Variants in RASA2 observed in about 807,000 individuals in gnomAD.
RASA2 encodes the protein ras GTPase-activating protein 2.
Under a neutral mutation model 118.2 loss-of-function variants are expected in RASA2, and 155 were observed. That is an observed-to-expected ratio of 1.31 (90% confidence interval 1.15 to 1.50). The LOEUF is 1.50. Among genes scored for constraint, RASA2 ranks in the 40% most tolerant of loss-of-function variants. The probability of loss-of-function intolerance (pLI) is 0.00; values close to 1 mark genes in which losing one functional copy is unlikely to be tolerated. For missense variants in RASA2, 1,016 were observed against 1,009.6 expected (o/e 1.01, Z -0.09); for synonymous variants, 353 against 349.1 (o/e 1.01, Z -0.12).
At chr3:141,545,989 C>T (rs189477026) in intron 5 of RASA2, among the ~76,000 whole-genome samples, 2 of 152,274 alleles carry the variant, frequency 1.3e-5, no homozygotes, top group East Asian at 3.9e-4. Context: ...TTTCACTTAA[C>T]GTAATGATCT....
chr3:141,573,248 T>C lies in RASA2; in HGVS notation c.1359+27T>C, dbSNP rs1577764049. The C allele has an allele frequency of 2.0e-6, 3 of 1,528,066 alleles. No individual in the cohort carries two copies. In the East Asian group the frequency reaches 7.5e-5, roughly 38 times the overall value. 94.7% of individuals were successfully genotyped at this position (1,528,066 alleles called of 1,614,324 possible). ...TAAGTCCTTGTTATATTATTTATAATTGCATTAAAATTGGTCTTAATGGTG... is the reference window on the plus strand; with the variant it reads ...TAAGTCCTTGTTATATTATTTATAACTGCATTAAAATTGGTCTTAATGGTG... On this transcript the variant is annotated intron_variant, in intron 13 of 23. Coordinates refer to ENST00000286364, the MANE Select transcript of RASA2 (RefSeq NM_006506.5).
intron 1 of RASA2, among the ~76,000 whole-genome samples, chr3:141,500,612 T>C (rs1419991291): frequency 1.3e-5 from 2 of 152,214 alleles, no homozygotes; most frequent in African/African-American, 4.8e-5. Flanking sequence ...GCCTGGCATT[T>C]TGTGCTCAGT....
chr3:141,597,409 G>C (rs1488597505), intron 19 of RASA2, among the ~76,000 whole-genome samples: 2 of 152,164 alleles, frequency 1.3e-5, no homozygotes, highest in African/African-American at 4.8e-5. Context: ...CAAAGGTATA[G>C]GAACAGAAAG....
At chr3:141,502,716 G>A (rs955515407) in intron 1 of RASA2, among the ~76,000 whole-genome samples, 3 of 152,186 alleles carry the variant, frequency 2.0e-5, no homozygotes, top group Non-Finnish European at 2.9e-5. Flanking sequence ...AATTTATTCA[G>A]TAAGTGGTAG....
intron 3 of RASA2, among the ~76,000 whole-genome samples, chr3:141,519,090 GA>G (rs1457983406): frequency 6.6e-6 from 1 of 152,068 alleles, no homozygotes; most frequent in African/African-American, 2.4e-5. Context: ...TAAATTCCTA[GA>G]AGTGAAAATA....
rs1197479724 is a variant in RASA2 at position 141,571,050 on chromosome 3, A to G, written c.1002A>G (p.Leu334=). The G allele has an allele frequency of 6.9e-6, 11 of 1,602,272 alleles. No homozygotes were observed. The highest frequency in any genetic ancestry group is 7.6e-6 in the Non-Finnish European group (9 of 1,176,942). The part of the protein sequence containing the change: ...EYYGPLKTLL[L]KSPDVQPISA... ...ATGGTCCTTTGAAAACTTTGCTGCT[A>G]AAATCACCAGATGTTCAAGTATGTT... is the stretch of plus-strand genomic sequence containing the variant. Residue 334 remains leucine (L), a synonymous_variant, in exon 10 of 24, where the codon CTA becomes CTG. Transcript: ENST00000286364.
intron 3 of RASA2, among the ~76,000 whole-genome samples, chr3:141,516,791 T>G (rs1467632274): frequency 1.3e-5 from 2 of 151,354 alleles, no homozygotes; most frequent in Non-Finnish European, 2.9e-5. Context: ...TTTTTTTTTT[T>G]GACACAGAAT....
intron 19 of RASA2, among the ~76,000 whole-genome samples, chr3:141,603,500 G>C (rs1004186040): frequency 6.6e-6 from 1 of 152,070 alleles, no homozygotes; most frequent in Non-Finnish European, 1.5e-5. Context: ...GATCCCAGGA[G>C]GTGGAGATTG....
At chr3:141,584,028 G>GAA (rs2083158058) in intron 17 of RASA2, among the ~76,000 whole-genome samples, 1 of 151,822 alleles carries the variant, frequency 6.6e-6, no homozygotes. Context: ...AAAAAAAGAA[G>GAA]AAGAAAAGAA....
At chr3:141,504,082 TA>T (rs1209040433) in intron 1 of RASA2, among the ~76,000 whole-genome samples, 1 of 152,238 alleles carries the variant, frequency 6.6e-6, no homozygotes, top group Non-Finnish European at 1.5e-5. Context: ...TATTTTATGC[TA>T]AGGATGGTGC....
At chr3:141,602,508 C>A (rs2083480346) in intron 19 of RASA2, among the ~76,000 whole-genome samples, 1 of 152,194 alleles carries the variant, frequency 6.6e-6, no homozygotes. Flanking sequence ...TCCTAACAGG[C>A]CACTGACCAG....
Position 141,580,404 on chromosome 3 carries a change from A to G in RASA2, c.1627A>G (p.Lys543Glu). The change falls in exon 16 of 24, where the codon AAA becomes GAA. Residue 543 changes from lysine to glutamate, a missense_variant. This residue lies in a region of RASA2 where 896 missense variants were observed against 836.4 expected (regional missense o/e 1.07). Transcript: ENST00000286364. ...AATTAGAACATTAACTCTCATCTCAAAAACTATACAAACTTTGGGAAGCTG... is the reference window on the plus strand; with the variant it reads ...AATTAGAACATTAACTCTCATCTCAGAAACTATACAAACTTTGGGAAGCTG... ...QTIRTLTLIS[K>E]TIQTLGSWGS... is the part of the protein sequence containing the mutation. The G allele has an allele frequency of 6.2e-7, 1 of 1,610,090 alleles. No homozygotes were observed. Among genetic ancestry groups the G allele is most frequent in the Non-Finnish European group, 8.5e-7 (1 of 1,177,406 alleles).
chr3:141,555,862 G>T lies in RASA2; in HGVS notation c.634G>T (p.Val212Leu). ...PSRNDQKKTK[V>L]KKKTSNPQFN... ...CAGGAATGACCAAAAGAAGACAAAA[G>T]TAAAGAAGAAAACAAGCAATCCGCA... The change falls in exon 7 of 24, where the codon GTA becomes TTA. Residue 212 changes from valine to leucine, a missense_variant. Physicochemically the swap from Val to Leu is conservative, Grantham distance 32. Around this residue, in one of 2 missense-constraint regions of RASA2, gnomAD observed 896 missense variants for 836.4 expected, o/e 1.07. Transcript: ENST00000286364. 6.2e-7 allele frequency: 1 copy of T among 1,612,522 alleles called. No individual in the cohort carries two copies. Among genetic ancestry groups the T allele is most frequent in the Non-Finnish European group, 8.5e-7 (1 of 1,179,264 alleles).
At chr3:141,499,718 C>T (rs1368252220) in intron 1 of RASA2, among the ~76,000 whole-genome samples, 1 of 152,178 alleles carries the variant, frequency 6.6e-6, no homozygotes, top group Non-Finnish European at 1.5e-5. Context: ...CCTGCCTCAG[C>T]CTCCCGATTA....
At chr3:141,577,542 TCTC>T (rs1347131614) in intron 15 of RASA2, among the ~76,000 whole-genome samples, 1 of 152,168 alleles carries the variant, frequency 6.6e-6, no homozygotes, top group African/African-American at 2.4e-5. Context: ...AAGAGGCTCT[TCTC>T]TAAGAAAGAA....
chr3:141,499,840 C>T lies in RASA2; in HGVS notation c.134-12323C>T, dbSNP rs939009814. 1.5e-4 allele frequency among the ~76,000 whole-genome samples: 23 copies of T among 152,310 alleles called. No individual in the cohort carries two copies. In the South Asian group the frequency reaches 4.3e-3, roughly 29 times the overall value. On this transcript the variant is annotated intron_variant, in intron 1 of 23. Transcript: ENST00000286364. Reference sequence around the variant, plus strand: ...TCTCGATCTCCTGACCCGCCCACCTCGGCCTCCCAAAGTGCTGGGATTACA... The same window carrying T: ...TCTCGATCTCCTGACCCGCCCACCTTGGCCTCCCAAAGTGCTGGGATTACA...
chr3:141,580,275 T>C (rs919381701), intron 15 of RASA2, 93 bp from the exon 16 acceptor site: 5 of 928,250 alleles, frequency 5.4e-6, no homozygotes, highest in Middle Eastern at 3.5e-4. Context: ...GTCATTGTTT[T>C]ACAGCAATGT....
chr3:141,587,634 A>G (rs562687824), intron 19 of RASA2, among the ~76,000 whole-genome samples: 2 of 151,404 alleles, frequency 1.3e-5, no homozygotes, highest in Non-Finnish European at 2.9e-5. Context: ...GAATCGCTTG[A>G]ACCCAGGAGG....
In RASA2 at chr3:141,516,362, C is replaced by A. The variant is rs761761007; in HGVS notation, c.286C>A (p.Pro96Thr). The A allele has an allele frequency of 1.3e-6, 2 of 1,567,566 alleles. No individual in the cohort carries two copies. The highest frequency in any genetic ancestry group is 2.4e-5 in the South Asian group (2 of 82,132). ...FFSEEFYFEI[P>T]RTFQYLSFYV... The stretch of plus-strand genomic sequence containing the variant: ...CAGTGAAGAATTTTACTTTGAGATT[C>A]CAAGAACTTTCCAGTATTTGTCTTT... The change falls in exon 3 of 24, where the codon CCA becomes ACA. Residue 96 changes from proline to threonine, a missense_variant. Pro to Thr is a conservative substitution (Grantham distance 38). This residue lies in a region of RASA2 where 896 missense variants were observed against 836.4 expected (regional missense o/e 1.07). Transcript: ENST00000286364.
Sources: allele counts gnomAD v4.1 joint callset (sites outside exome capture counted in the v4.1 genomes callset), GRCh38; gene constraint gnomAD v4.1.1; regional missense constraint gnomAD v4.1.1; transcripts MANE v1.5; gene names NCBI Gene and HGNC (gene_info 2026-07-23, HGNC 2026-07-21).